COL18A1: variants seen among roughly 807,000 people sequenced by gnomAD.
The protein encoded by COL18A1 is collagen type XVIII alpha 1 chain.
In COL18A1, 133 loss-of-function variants were observed where a neutral mutation model predicts 168.0. That is an observed-to-expected ratio of 0.79 (90% confidence interval 0.69 to 0.91). COL18A1 has a LOEUF of 0.91. Ranked by LOEUF, COL18A1 falls within the 40% of genes least tolerant of loss-of-function variation. The probability of loss-of-function intolerance (pLI) is 0.00; values close to 1 mark genes in which losing one functional copy is unlikely to be tolerated. For missense variants in COL18A1, 2,126 were observed against 1,925.4 expected (o/e 1.10, Z -1.95); for synonymous variants, 949 against 809.0 (o/e 1.17, Z -2.94).
intron 2 of COL18A1, among the ~76,000 whole-genome samples, chr21:45,413,609 A>G (rs1056524584): frequency 1.3e-5 from 2 of 152,150 alleles, no homozygotes; most frequent in Non-Finnish European, 2.9e-5. Flanking sequence ...GAGTTCAGAG[A>G]ACATCCGCTT....
rs79980197 is a variant in COL18A1, at chr21:45,491,274, C to G, written c.2117C>G (p.Pro706Arg). The G allele has an allele frequency of 0.079, 126,994 of 1,612,096 alleles. 5,643 individuals carry two copies. The highest frequency in any genetic ancestry group is 0.12 in the South Asian group (10,850 of 91,050). The change falls in exon 22 of 42, where the codon CCC becomes CGC. Residue 706 changes from proline to arginine, a missense_variant. Transcript: ENST00000651438. The part of the protein sequence containing the change: ...GVGQPGLPGP[P>R]GPPGPVVYVS... ...GGGCAGCCGGGCCTCCCTGGCCCCCCCGGACCCCCGGGACCTGTGGTCTAC... is the reference window on the plus strand; with the variant it reads ...GGGCAGCCGGGCCTCCCTGGCCCCCGCGGACCCCCGGGACCTGTGGTCTAC...
chr21:45,436,350 T>C (rs1329871590), intron 2 of COL18A1, among the ~76,000 whole-genome samples: 1 of 152,168 alleles, frequency 6.6e-6, no homozygotes, highest in Non-Finnish European at 1.5e-5. Flanking sequence ...GCGTGTGCAG[T>C]GGGCAGAAGC....
At chr21:45,454,444 G>T (rs1343032747) in intron 2 of COL18A1, among the ~76,000 whole-genome samples, 1 of 152,176 alleles carries the variant, frequency 6.6e-6, no homozygotes, top group South Asian at 2.1e-4. Flanking sequence ...GGGAGCTGGC[G>T]TGCAGAGCAC....
chr21:45,501,907 G>C (rs1426163276), intron 32 of COL18A1, among the ~76,000 whole-genome samples: 1 of 113,834 alleles, frequency 8.8e-6, no homozygotes. Flanking sequence ...AGGACCCCCA[G>C]GGGCTCCACA....
intron 38 of COL18A1, among the ~76,000 whole-genome samples, chr21:45,508,216 G>A (rs1220761226): frequency 1.3e-5 from 2 of 150,118 alleles, no homozygotes; most frequent in Non-Finnish European, 3.0e-5. Context: ...GTGTATGAAT[G>A]GGTGGGTGGA....
intron 2 of COL18A1, among the ~76,000 whole-genome samples, chr21:45,442,755 GGCA>G (rs2034405713): frequency 2.0e-5 from 2 of 101,650 alleles, no homozygotes; most frequent in African/African-American, 1.1e-4. Context: ...GGCTGGTGTG[GGCA>G]GCGGTGCTGG....
intron 2 of COL18A1, among the ~76,000 whole-genome samples, chr21:45,435,373 G>A (rs1294762611): frequency 6.6e-6 from 1 of 152,042 alleles, no homozygotes; most frequent in Admixed American, 6.5e-5. Context: ...CAGACCTCCA[G>A]CTGTTTGGTC....
chr21:45,481,767 G>A (rs1157328821), intron 13 of COL18A1, among the ~76,000 whole-genome samples, 196 bp from the exon 14 acceptor site: 1 of 152,230 alleles, frequency 6.6e-6, no homozygotes, highest in Non-Finnish European at 1.5e-5. Context: ...ATCTCATCCT[G>A]CCAATGTGGC....
At chr21:45,453,223 C>T (rs983036377) in intron 2 of COL18A1, among the ~76,000 whole-genome samples, 10 of 152,112 alleles carry the variant, frequency 6.6e-5, no homozygotes, top group Non-Finnish European at 1.5e-4. Context: ...CATGTATGTA[C>T]ATGTGTGTGC....
chr21:45,468,738 C>T lies in COL18A1; in HGVS notation c.603C>T (p.Ala201=), dbSNP rs17004776. Reference sequence around the variant, plus strand: ...GGGGCCTGGAGCTGGAGCCTGGCGCCGGGCTCTTCGTGGCTCAGGCGGGGG... The same window carrying T: ...GGGGCCTGGAGCTGGAGCCTGGCGCTGGGCTCTTCGTGGCTCAGGCGGGGG... ...SSRGLELEPG[A]GLFVAQAGGA... is the part of the protein sequence containing the mutation. Residue 201 remains alanine, a synonymous_variant, in exon 3 of 42, where the codon GCC becomes GCT. Transcript: ENST00000651438. The T allele has an allele frequency of 5.7e-3, 9,080 of 1,603,014 alleles. 425 individuals are homozygous for T. In the African/African-American group the frequency reaches 0.1, roughly 18 times the overall value.
chr21:45,465,839 T>C (rs2035185234), intron 2 of COL18A1, among the ~76,000 whole-genome samples: 2 of 152,032 alleles, frequency 1.3e-5, no homozygotes, highest in African/African-American at 4.8e-5. Context: ...TGTCTGAGGG[T>C]CTCTGAGGGG....
intron 19 of COL18A1, 27 bp downstream of exon 19, chr21:45,489,548 C>A: frequency 6.5e-7 from 1 of 1,546,010 alleles, no homozygotes; most frequent in South Asian, 1.2e-5. Context: ...GGTTCAGGGA[C>A]GTGGCCAGGC....
chr21:45,486,565 G>A lies in COL18A1; in HGVS notation c.1702-296G>A, dbSNP rs764279752. On this transcript the variant is annotated intron_variant, in intron 15 of 41. Coordinates refer to ENST00000651438, the MANE Select transcript of COL18A1 (RefSeq NM_001379500.1). ...CCCGGGAGCCAGGGCTGGAGGTAAC[G>A]AGGGTGCCCTGTGCACCTCCCGCTG... 3.9e-5 allele frequency among the ~76,000 whole-genome samples: 6 copies of A among 152,094 alleles called. 1 individual carries two copies. Among genetic ancestry groups the A allele is most frequent in the Non-Finnish European group, 7.4e-5 (5 of 68,004 alleles).
intron 2 of COL18A1, among the ~76,000 whole-genome samples, chr21:45,445,143 CA>C (rs1419673558): frequency 3.9e-5 from 6 of 152,342 alleles, no homozygotes; most frequent in East Asian, 1.9e-4. Flanking sequence ...CAGTCCTGGC[CA>C]CCGGTCATCT....
rs13048441 is a variant in COL18A1 at position 45,425,266 on chromosome 21, T to C, written c.106+19793T>C. ...CGCCCGTCTCCCCGGACACGCCTGTTGGAGCCCCGGCCGTGTGTGTGTGTG... is the reference window on the plus strand; with the variant it reads ...CGCCCGTCTCCCCGGACACGCCTGTCGGAGCCCCGGCCGTGTGTGTGTGTG... On this transcript the variant is annotated intron_variant, in intron 2 of 41. Transcript: ENST00000651438. The surrounding 1 kb of genome is among the most constrained non-coding windows in gnomAD (Gnocchi z 4.1). 0.38 allele frequency among the ~76,000 whole-genome samples: 58,318 copies of C among 151,732 alleles called. 12,626 individuals are homozygous for C. Among genetic ancestry groups the C allele is most frequent in the African/African-American group, 0.59 (24,593 of 41,372 alleles).
Position 45,475,480 on chromosome 21 carries a change from C to T in COL18A1, c.743C>T (p.Ser248Phe), listed in dbSNP as rs200073359. 9.3e-4 allele frequency: 1,486 copies of T among 1,603,094 alleles called. 2 individuals are homozygous for T. The highest frequency in any genetic ancestry group is 1.2e-3 in the Non-Finnish European group (1,420 of 1,176,514). ...DEEGDDSDGA[S>F]GDSGSGLGDA... is the part of the protein sequence containing the mutation. Reference sequence around the variant, plus strand: ...TTCCCTTTTCAAACTCCTCAGGCATCCGGAGACTCTGGCAGCGGGCTCGGG... The same window carrying T: ...TTCCCTTTTCAAACTCCTCAGGCATTCGGAGACTCTGGCAGCGGGCTCGGG... The change falls in exon 5 of 42, where the codon TCC becomes TTC. Residue 248 changes from serine to phenylalanine, a missense_variant. By Grantham distance (155) the Ser-to-Phe change is radical. Coordinates refer to ENST00000651438, the MANE Select transcript of COL18A1 (RefSeq NM_001379500.1).
chr21:45,407,615 G>A (rs2033154944), intron 2 of COL18A1: 1 of 152,318 alleles, frequency 6.6e-6, no homozygotes, highest in South Asian at 2.1e-4. Flanking sequence ...CAGAGTCAGA[G>A]TGGAGCTGAG....
chr21:45,444,276 C>T (rs148739673), intron 2 of COL18A1, among the ~76,000 whole-genome samples: 530 of 152,184 alleles, frequency 3.5e-3, no homozygotes, highest in African/African-American at 0.012. Context: ...AGCAGGAGCA[C>T]GGGTGTGCGT....
chr21:45,512,646 T>A lies in COL18A1; in HGVS notation c.*248T>A. 1.8e-6 allele frequency: 1 copy of A among 568,688 alleles called. No homozygotes were observed. The highest frequency in any genetic ancestry group is 2.0e-5 in the South Asian group (1 of 50,048). The allele number at this position is 568,688 out of a possible 1,614,324, so 35.2% of individuals were successfully genotyped here. Reference sequence around the variant, plus strand: ...CTCTCCCCTGACCTGTGAGCCCAGCTGGGTCAGGCAGGGTGCAGTATCATG... The same window carrying A: ...CTCTCCCCTGACCTGTGAGCCCAGCAGGGTCAGGCAGGGTGCAGTATCATG... On this transcript the variant is annotated 3_prime_UTR_variant, in exon 42 of 42. Coordinates refer to ENST00000651438, the MANE Select transcript of COL18A1 (RefSeq NM_001379500.1).
Sources: gnomAD v4.1 joint callset for allele counts (sites outside exome capture counted in the v4.1 genomes callset) on GRCh38, gnomAD v4.1.1 for gene constraint, Gnocchi (gnomAD v3.1) non-coding constraint, MANE v1.5 for transcripts, NCBI Gene and HGNC (gene_info 2026-07-23, HGNC 2026-07-21) for gene names.